ENG: variants seen among roughly 807,000 people sequenced by gnomAD.
ENG encodes the protein endoglin.
A neutral mutation model predicts 71.0 loss-of-function variants in ENG; 17 were observed. The ratio of observed to expected loss-of-function variants is 0.24; its 90% CI spans 0.16 to 0.36. ENG has a LOEUF of 0.36. Among genes scored for constraint, ENG ranks in the 10% least tolerant of loss-of-function variants. The pLI, the probability that ENG is intolerant of heterozygous loss-of-function variation, is 1.00. For synonymous variants in ENG, 360 were observed against 366.9 expected (o/e 0.98, Z 0.21); for missense variants, 749 against 868.3 (o/e 0.86, Z 1.73).
intron 2 of ENG, among the ~76,000 whole-genome samples, chr9:127,833,375 G>A (rs974019772): frequency 1.3e-5 from 2 of 152,002 alleles, no homozygotes; most frequent in African/African-American, 4.8e-5. Flanking sequence ...TACTAAATTA[G>A]CCAGGTGTGG....
At chr9:127,831,099 T>C (rs1445999330) in intron 2 of ENG, among the ~76,000 whole-genome samples, 16 of 152,100 alleles carry the variant, frequency 1.1e-4, no homozygotes, top group Admixed American at 1.0e-3. Context: ...CCAGCAGTGT[T>C]CTAAGTGCTT....
chr9:127,825,240 C>T lies in ENG; in HGVS notation c.807G>A (p.Met269Ile). Residue 269 changes from methionine to isoleucine, a missense_variant, in exon 6 of 15, where the codon ATG becomes ATA. Met to Ile is a conservative substitution (Grantham distance 10). Transcript: ENST00000373203. ...VSWLIDANHN[M>I]QIWTTGEYSF... ...GCTGCGCACAACTCACCCAGATCTG[C>T]ATGTTGTGGTTGGCGTCGATGAGCC... 6.2e-7 allele frequency: 1 copy of T among 1,612,978 alleles called. No homozygotes were observed. The highest frequency in any genetic ancestry group is 8.5e-7 in the Non-Finnish European group (1 of 1,179,828).
intron 10 of ENG, 95 bp downstream of exon 10, chr9:127,819,527 T>C (rs1588576443): frequency 6.4e-7 from 1 of 1,565,016 alleles, no homozygotes; most frequent in Admixed American, 1.8e-5. Context: ...TTGCCAGGAG[T>C]TTCCCGAGGC....
intron 1 of ENG, among the ~76,000 whole-genome samples, chr9:127,845,197 T>A (rs1043549965): frequency 6.6e-6 from 1 of 152,196 alleles, no homozygotes; most frequent in Admixed American, 6.5e-5. Flanking sequence ...TGGCTTCATG[T>A]CCAGCCAAGG....
chr9:127,847,084 A>C, intron 1 of ENG: 2 of 274,140 alleles, frequency 7.3e-6, no homozygotes, highest in Non-Finnish European at 1.1e-5. Context: ...ACCACCAATA[A>C]TCACTGCAGA....
At chr9:127,824,509 A>AG in intron 7 of ENG, 63 bp from the exon 8 acceptor site, 27 of 938,266 alleles carry the variant, frequency 2.9e-5, no homozygotes, top group Non-Finnish European at 3.5e-5. Flanking sequence ...TGCCCGCACC[A>AG]GGCTTTTTTT....
chr9:127,825,375 C>G lies in ENG; in HGVS notation c.690-18G>C, dbSNP rs376779134. 1 of 1,607,926 alleles carries G rather than the reference C, an allele frequency of 6.2e-7. No homozygotes were observed. The highest frequency in any genetic ancestry group is 1.7e-5 in the Admixed American group (1 of 59,544). ...TCCGGGGCCTGCGGGGAGACAGACG[C>G]GGATGGAACACTGAAGCGGACAGGC... is the stretch of plus-strand genomic sequence containing the variant. On this transcript the variant is annotated intron_variant, in intron 5 of 14. Coordinates refer to ENST00000373203, the MANE Select transcript of ENG (RefSeq NM_001114753.3).
At chr9:127,818,889 AG>A in intron 10 of ENG, 57 bp from the exon 11 acceptor site, 1 of 1,440,294 alleles carries the variant, frequency 6.9e-7, no homozygotes. Flanking sequence ...CAGGAGGGCG[AG>A]GGGTGTGGGG....
chr9:127,817,264 C>T, intron 12 of ENG, 61 bp from the exon 13 acceptor site: 1 of 1,583,604 alleles, frequency 6.3e-7, no homozygotes, highest in Non-Finnish European at 8.7e-7. Context: ...AGGTTTACTC[C>T]CTGGCTCCGT....
chr9:127,847,652 A>G (rs1188621243), intron 1 of ENG, among the ~76,000 whole-genome samples: 1 of 152,010 alleles, frequency 6.6e-6, no homozygotes. Flanking sequence ...GTTTCGCCGT[A>G]TTGCGCAGGC....
Position 127,826,668 on chromosome 9 carries a change from G to A in ENG, c.365C>T (p.Ser122Phe), listed in dbSNP as rs755686427. 3.1e-6 allele frequency: 5 copies of A among 1,613,592 alleles called. No individual in the cohort carries two copies. Among genetic ancestry groups the A allele is most frequent in the Non-Finnish European group, 4.2e-6 (5 of 1,179,972 alleles). ...LGIPLHLAYN[S>F]SLVTFQEPPG... Reference sequence around the variant, plus strand: ...GGGCTCTTGGAAGGTGACCAGGCTGGAATTCTGGGGAGACATGTGGAGGCT... The same window carrying A: ...GGGCTCTTGGAAGGTGACCAGGCTGAAATTCTGGGGAGACATGTGGAGGCT... Residue 122 changes from serine to phenylalanine, a missense_variant, in exon 4 of 15, where the codon TCC becomes TTC. Transcript: ENST00000373203.
rs990412447 is a variant in ENG at position 127,815,640 on chromosome 9, GCT to G, written c.*40_*41del. ...TTCACACCAGTGCTCCCAGCTGGCG[GCT>G]GCTCAGTCTCTCCTGCTGGGCGAGC... On this transcript the variant is annotated 3_prime_UTR_variant, in exon 15 of 15. Coordinates refer to ENST00000373203, the MANE Select transcript of ENG (RefSeq NM_001114753.3). The G allele has an allele frequency of 6.5e-7, 1 of 1,539,752 alleles. No homozygotes were observed. The highest frequency in any genetic ancestry group is 8.7e-7 in the Non-Finnish European group (1 of 1,149,558).
chr9:127,825,273 G>A lies in ENG; in HGVS notation c.774C>T (p.Tyr258=), dbSNP rs537154767. The change falls in exon 6 of 15, where the codon TAC becomes TAT. Residue 258 remains tyrosine, a synonymous_variant. Coordinates refer to ENST00000373203, the MANE Select transcript of ENG (RefSeq NM_001114753.3). ...GGTTGGCGTCGATGAGCCAGGACAC[G>A]TAGGGGGGACCCTGCAGGATGAGGA... ...DAVLILQGPP[Y]VSWLIDANHN... is the part of the protein sequence containing the mutation. 1.6e-5 allele frequency: 25 copies of A among 1,612,592 alleles called. No individual in the cohort carries two copies. Among genetic ancestry groups the A allele is most frequent in the African/African-American group, 5.4e-5 (4 of 74,584 alleles).
chr9:127,826,110 G>A (rs982307293), intron 4 of ENG, among the ~76,000 whole-genome samples: 11 of 152,186 alleles, frequency 7.2e-5, no homozygotes, highest in African/African-American at 2.7e-4. Context: ...CTGCAGCCCC[G>A]AAACCACCCA....
chr9:127,824,621 C>T (rs1588581126), intron 7 of ENG, among the ~76,000 whole-genome samples, 175 bp from the exon 8 acceptor site: 3 of 147,214 alleles, frequency 2.0e-5, no homozygotes, highest in Middle Eastern at 3.9e-3. Context: ...CAGGTTCAAG[C>T]GATTCTCAGG....
At chr9:127,820,782 T>A (rs1218293685) in intron 8 of ENG, among the ~76,000 whole-genome samples, 6 of 151,016 alleles carry the variant, frequency 4.0e-5, no homozygotes, top group Non-Finnish European at 8.8e-5. Flanking sequence ...TGAGCCGAGA[T>A]CGCACCATTG....
In ENG at chr9:127,815,810, G is replaced by A; in HGVS notation, c.1853-4C>T. On this transcript the variant is annotated splice_region_variant and splice_polypyrimidine_tract_variant and intron_variant, in intron 14 of 14. Transcript: ENST00000373203. Reference sequence around the variant, plus strand: ...GGCTCCCGCTTGCTGGGGGAACCTGGGAGCGGGAGCGGGGGCAGGGGCGGA... The same window carrying A: ...GGCTCCCGCTTGCTGGGGGAACCTGAGAGCGGGAGCGGGGGCAGGGGCGGA... 1 of 1,546,378 alleles carries A rather than the reference G, an allele frequency of 6.5e-7. No individual in the cohort carries two copies.
intron 3 of ENG, 132 bp downstream of exon 3, chr9:127,829,555 G>T (rs1387699349): frequency 7.9e-7 from 1 of 1,267,236 alleles, no homozygotes; most frequent in Non-Finnish European, 1.1e-6. Flanking sequence ...CAGGACCCTG[G>T]TGAATAATGT....
rs971190119 is a variant in ENG at position 127,825,698 on chromosome 9, G to T, written c.686C>A (p.Ala229Asp). The stretch of plus-strand genomic sequence containing the variant: ...AGGGGCGGGGCGAGAGCCATACCCG[G>T]CCGAGTGGCCCGGCAGGACCCTCAG... The part of the protein sequence containing the change: ...HILRVLPGHS[A>D]GPRTVTVKVE... The change falls in exon 5 of 15, where the codon GCC (alanine) becomes GAC (aspartate). Residue 229 changes from alanine (A) to aspartate (D), a missense_variant. Physicochemically the swap from Ala to Asp is moderately radical, Grantham distance 126 (BLOSUM62 -2). Transcript: ENST00000373203. 7.6e-6 allele frequency: 12 copies of T among 1,582,118 alleles called. No individual in the cohort carries two copies. The highest frequency in any genetic ancestry group is 9.4e-6 in the Non-Finnish European group (11 of 1,168,078).
Sources: gnomAD v4.1 joint callset for allele counts (sites outside exome capture counted in the v4.1 genomes callset) on GRCh38, gnomAD v4.1.1 for gene constraint, MANE v1.5 for transcripts, NCBI Gene and HGNC (gene_info 2026-07-23, HGNC 2026-07-21) for gene names.